The following UBE2K variants were observed in gnomAD, a reference collection of about 807,000 sequenced individuals.
The protein encoded by UBE2K is ubiquitin-conjugating enzyme E2 K.
In UBE2K, 6 loss-of-function variants were observed where a neutral mutation model predicts 30.0. The observed-to-expected ratio is 0.20, with a 90% CI of 0.11 to 0.39. The LOEUF (loss-of-function observed/expected upper bound fraction) is 0.39. UBE2K is among the 10% of genes least tolerant of loss of function. The probability of loss-of-function intolerance (pLI) is 1.00; values close to 1 mark genes in which losing one functional copy is unlikely to be tolerated. For synonymous variants in UBE2K, 86 were observed against 83.7 expected, an observed-to-expected ratio of 1.03 and a Z score of -0.15; for missense variants, 61 against 241.6, an observed-to-expected ratio of 0.25 and a Z score of 4.96.
chr4:39,770,370 C>A (rs534506286), intron 4 of UBE2K: 2 of 1,613,342 alleles, frequency 1.2e-6, no homozygotes, highest in African/African-American at 2.7e-5. Context: ...CTCCTTGCCA[C>A]AGCGAGGGCA....
intron 2 of UBE2K, among the ~76,000 whole-genome samples, chr4:39,740,862 CAAAAA>C (rs57382171): frequency 1.4e-5 from 1 of 69,780 alleles, no homozygotes. Context: ...GACTCCGTCT[CAAAAA>C]AAAAAAAAAA....
chr4:39,708,565 G>A (rs1473178293), intron 1 of UBE2K, among the ~76,000 whole-genome samples: 1 of 152,042 alleles, frequency 6.6e-6, no homozygotes, highest in Non-Finnish European at 1.5e-5. Context: ...TAAAAGAATA[G>A]ATGTGAGTAT....
chr4:39,762,824 G>T (rs942208192), intron 4 of UBE2K, among the ~76,000 whole-genome samples: 3 of 151,828 alleles, frequency 2.0e-5, no homozygotes, highest in Admixed American at 2.0e-4. Flanking sequence ...TAGTGAGATG[G>T]TGTTTCACTG....
At chr4:39,732,995 A>C (rs147878684) in intron 1 of UBE2K, among the ~76,000 whole-genome samples, 149 of 145,528 alleles carry the variant, frequency 1.0e-3, no homozygotes, top group Middle Eastern at 3.9e-3. Context: ...TAGCTTTTAT[A>C]TATCTCTGTT....
chr4:39,708,159 C>G (rs562490337), intron 1 of UBE2K, among the ~76,000 whole-genome samples: 11 of 152,008 alleles, frequency 7.2e-5, no homozygotes, highest in Admixed American at 4.6e-4. Context: ...CTTGGCCTCC[C>G]GAAGTGCTGG....
At chr4:39,740,689 C>T (rs879631299) in intron 2 of UBE2K, among the ~76,000 whole-genome samples, 3 of 146,096 alleles carry the variant, frequency 2.1e-5, no homozygotes, top group African/African-American at 7.6e-5. Context: ...GATGAAACCC[C>T]GTCTCTACTA....
At chr4:39,706,255 A>G (rs1435304625) in intron 1 of UBE2K, among the ~76,000 whole-genome samples, 1 of 151,710 alleles carries the variant, frequency 6.6e-6, no homozygotes, top group Non-Finnish European at 1.5e-5. Flanking sequence ...TGACCTCGTG[A>G]TCTGCCTGCC....
chr4:39,764,420 C>T (rs1417369580), intron 4 of UBE2K, among the ~76,000 whole-genome samples: 2 of 146,876 alleles, frequency 1.4e-5, no homozygotes, highest in Non-Finnish European at 3.0e-5. Flanking sequence ...GAGCAAACTG[C>T]CTTTTTTTTT....
chr4:39,714,550 A>ATATTTTT, intron 1 of UBE2K: 3 of 17,850 alleles, frequency 1.7e-4, no homozygotes, highest in African/African-American at 2.5e-4. Context: ...ATATATATAT[A>ATATTTTT]TTTTTTTTTT....
intron 1 of UBE2K, among the ~76,000 whole-genome samples, chr4:39,735,231 A>G (rs1393365572): frequency 5.9e-5 from 9 of 152,232 alleles, no homozygotes; most frequent in African/African-American, 1.9e-4. Flanking sequence ...TTATTTTGAG[A>G]TGGAGTCTCG....
At chr4:39,718,192 G>C (rs1421613052) in intron 1 of UBE2K, among the ~76,000 whole-genome samples, 3 of 152,060 alleles carry the variant, frequency 2.0e-5, no homozygotes, top group Non-Finnish European at 4.4e-5. Context: ...AGAGTTGATT[G>C]GTCCGTTTTG....
At chr4:39,742,003 A>G (rs922116283) in intron 2 of UBE2K, among the ~76,000 whole-genome samples, 2 of 152,154 alleles carry the variant, frequency 1.3e-5, no homozygotes, top group Non-Finnish European at 2.9e-5. Context: ...GTGGTCATAT[A>G]TTGAAAGTTG....
chr4:39,707,123 T>C (rs1015863248), intron 1 of UBE2K, among the ~76,000 whole-genome samples: 1 of 152,066 alleles, frequency 6.6e-6, no homozygotes, highest in Non-Finnish European at 1.5e-5. Flanking sequence ...TTGACCAGGC[T>C]GGTCTCACAC....
At chr4:39,747,751 G>A (rs918021723) in intron 3 of UBE2K, among the ~76,000 whole-genome samples, 9 of 151,846 alleles carry the variant, frequency 5.9e-5, no homozygotes, top group African/African-American at 1.9e-4. Context: ...CAAGTAGCTG[G>A]GACTACAGGC....
intron 1 of UBE2K, among the ~76,000 whole-genome samples, chr4:39,710,879 T>G (rs888138774): frequency 3.3e-5 from 5 of 152,064 alleles, no homozygotes; most frequent in Non-Finnish European, 7.4e-5. Context: ...ATTTAACAGA[T>G]AGTAATCTTC....
chr4:39,720,940 T>A (rs1719387553), intron 1 of UBE2K, among the ~76,000 whole-genome samples: 1 of 152,052 alleles, frequency 6.6e-6, no homozygotes, highest in South Asian at 2.1e-4. Context: ...AGAGACTGAG[T>A]TTTGCCATGT....
At chr4:39,755,379 A>T (rs1300190434) in intron 3 of UBE2K, among the ~76,000 whole-genome samples, 1 of 152,194 alleles carries the variant, frequency 6.6e-6, no homozygotes, top group Non-Finnish European at 1.5e-5. Flanking sequence ...TTCTCATAGC[A>T]TCTACCATTA....
intron 1 of UBE2K, among the ~76,000 whole-genome samples, chr4:39,722,916 C>A (rs1719508739): frequency 6.6e-6 from 1 of 151,776 alleles, no homozygotes; most frequent in African/African-American, 2.4e-5. Context: ...CTGCCTCAGC[C>A]CCCCAAGTAT....
intron 2 of UBE2K, among the ~76,000 whole-genome samples, chr4:39,743,668 C>T (rs1348641408): frequency 6.6e-6 from 1 of 151,728 alleles, no homozygotes; most frequent in Admixed American, 6.6e-5. Context: ...CAGCTCACGG[C>T]CATCTGTGAT....
Sources: gnomAD v4.1 joint callset for allele counts (sites outside exome capture counted in the v4.1 genomes callset) on GRCh38, gnomAD v4.1.1 for gene constraint, MANE v1.5 for transcripts, NCBI Gene and HGNC (gene_info 2026-07-23, HGNC 2026-07-21) for gene names.